XPA: variants seen among roughly 807,000 people sequenced by gnomAD.
The protein encoded by XPA is DNA repair protein complementing XP-A cells.
A neutral mutation model predicts 35.7 loss-of-function variants in XPA; 27 were observed. The observed-to-expected ratio is 0.76, with a 90% CI of 0.56 to 1.04. The LOEUF is 1.04. Among genes scored for constraint, XPA ranks in the 50% least tolerant of loss-of-function variants. The pLI is 0.00. For synonymous variants in XPA, 133 were observed against 118.4 expected, an observed-to-expected ratio of 1.12 and a Z score of -0.80; for missense variants, 354 against 342.7, an observed-to-expected ratio of 1.03 and a Z score of -0.26.
the XPA span, among the ~76,000 whole-genome samples, chr9:97,662,352 G>A: frequency 6.8e-4 from 103 of 152,320 alleles, 2 homozygotes; most frequent in Admixed American, 2.0e-3. Context: ...TACATGGTAA[G>A]TGCTTTTTTT....
chr9:97,675,756 A>AACTT (rs548027430), intron 5 of XPA, 169 bp from the exon 6 acceptor site: 1 of 853,794 alleles, frequency 1.2e-6, no homozygotes. Context: ...AAACTTGGCA[A>AACTT]ACTTACTTTC....
chr9:97,695,081 G>A (rs192085938), intron 1 of XPA, among the ~76,000 whole-genome samples: 81 of 152,284 alleles, frequency 5.3e-4, no homozygotes, highest in Non-Finnish European at 1.0e-4. Flanking sequence ...AGTAGAGAGT[G>A]GACACCGACT....
At chr9:97,656,507 C>T in the XPA span, among the ~76,000 whole-genome samples, 1 of 151,926 alleles carries the variant, frequency 6.6e-6, no homozygotes, top group African/African-American at 2.4e-5. Flanking sequence ...GCCAAGATGG[C>T]GCCACTGCAC....
At chr9:97,663,107 C>T in the XPA span, 17 of 1,237,284 alleles carry the variant, frequency 1.4e-5, no homozygotes, top group Non-Finnish European at 1.6e-5. Flanking sequence ...AAAATAAGGC[C>T]GTTAATTGCC....
rs1250230722 is a variant in XPA, at chr9:97,674,941, T to C, written c.*498A>G. ...CGTACAACTCAATGTTTATTTCTGCTATTAGGGCTTTTTCCAGCAGTAGTT... is the reference window on the plus strand; with the variant it reads ...CGTACAACTCAATGTTTATTTCTGCCATTAGGGCTTTTTCCAGCAGTAGTT... On this transcript the variant is annotated 3_prime_UTR_variant, in exon 6 of 6. Coordinates refer to ENST00000375128, the MANE Select transcript of XPA (RefSeq NM_000380.4). 1 of 516,376 alleles carries C rather than the reference T, an allele frequency of 1.9e-6. No individual in the cohort carries two copies. Among genetic ancestry groups the C allele is most frequent in the Non-Finnish European group, 3.8e-6 (1 of 264,904 alleles). The allele number at this position is 516,376 out of a possible 1,614,324, so 32.0% of individuals were successfully genotyped here.
intron 5 of XPA, among the ~76,000 whole-genome samples, chr9:97,680,082 C>G (rs1300823524): frequency 6.6e-6 from 1 of 152,014 alleles, no homozygotes; most frequent in Non-Finnish European, 1.5e-5. Flanking sequence ...CACCTGGATC[C>G]GACAAAAAGC....
the XPA span, among the ~76,000 whole-genome samples, chr9:97,663,873 A>G: frequency 6.6e-6 from 1 of 151,886 alleles, no homozygotes. Flanking sequence ...AAAGGGGAGA[A>G]TAAATCTTAA....
chr9:97,676,285 C>T (rs78500572), intron 5 of XPA, among the ~76,000 whole-genome samples: 495 of 152,330 alleles, frequency 3.2e-3, no homozygotes, highest in African/African-American at 0.011. Flanking sequence ...GAAGCCAGGA[C>T]ACTGGTCATA....
At chr9:97,666,866 C>G in the XPA span, 1 of 1,601,456 alleles carries the variant, frequency 6.2e-7, no homozygotes, top group Non-Finnish European at 8.5e-7. Flanking sequence ...ACTTGCTAGG[C>G]AACACAAACG....
chr9:97,669,080 A>G, the XPA span: 1 of 1,272,156 alleles, frequency 7.9e-7, no homozygotes, highest in African/African-American at 1.5e-5. Context: ...ACATTCATTT[A>G]TAGAAGAGAT....
chr9:97,689,592 C>T lies in XPA; in HGVS notation c.331G>A (p.Glu111Lys), dbSNP rs769255883. 36 of 1,613,144 alleles carry T rather than the reference C, an allele frequency of 2.2e-5. 1 individual carries two copies. In the South Asian group the frequency reaches 3.3e-4, roughly 15 times the overall value. Residue 111 changes from glutamate (E) to lysine (K), a missense_variant, in exon 3 of 6, where the codon GAA (glutamate) becomes AAA (lysine). Glu to Lys is a moderately conservative substitution (Grantham distance 56). Transcript: ENST00000375128. ...DYVICEECGK[E>K]FMDSYLMNHF... ...TTCATAAGATAAGAATCCATAAATT[C>T]TTTCCCACATTCTTCGCATATTACA...
chr9:97,662,604 C>G, the XPA span, among the ~76,000 whole-genome samples: 1 of 152,196 alleles, frequency 6.6e-6, no homozygotes, highest in Non-Finnish European at 1.5e-5. Flanking sequence ...AACTGGACAT[C>G]TCACCCCATC....
downstream of XPA, chr9:97,671,030 C>T: frequency 8.5e-7 from 1 of 1,181,720 alleles, no homozygotes; most frequent in Admixed American, 1.9e-5. Flanking sequence ...AAATGTTCCA[C>T]AAGATTGCTT....
the XPA span, chr9:97,656,159 G>T: frequency 1.7e-6 from 2 of 1,198,646 alleles, no homozygotes; most frequent in East Asian, 2.4e-5. Context: ...TGTGATGTGT[G>T]TTCAGAATAT....
chr9:97,674,531 G>T (rs761678651), downstream of XPA, among the ~76,000 whole-genome samples: 1 of 152,148 alleles, frequency 6.6e-6, no homozygotes, highest in Non-Finnish European at 1.5e-5. Context: ...ACTGGAATTT[G>T]TTTTTGTCAA....
intron 1 of XPA, among the ~76,000 whole-genome samples, chr9:97,694,083 C>CA (rs1312842879): frequency 6.6e-6 from 1 of 152,196 alleles, no homozygotes; most frequent in African/African-American, 2.4e-5. Context: ...AACCTCTGCC[C>CA]TGAAAACTAC....
chr9:97,675,044 C>A lies in XPA; in HGVS notation c.*395G>T, dbSNP rs938310323. 3 of 531,302 alleles carry A rather than the reference C, an allele frequency of 5.6e-6. No homozygotes were observed. The highest frequency in any genetic ancestry group is 5.6e-5 in the African/African-American group (3 of 53,624). 32.9% of individuals were successfully genotyped at this position (531,302 alleles called of 1,614,324 possible). On this transcript the variant is annotated 3_prime_UTR_variant, in exon 6 of 6. Transcript: ENST00000375128. ...CTAGAACCTGGGGTACAGTGGTGCA[C>A]CACCATTGCTATTATTTGTTTCTTG...
chr9:97,666,259 G>C, the XPA span, among the ~76,000 whole-genome samples: 1 of 152,156 alleles, frequency 6.6e-6, no homozygotes. Context: ...CTCATTCTTA[G>C]AGCCCATCAG....
At chr9:97,679,375 A>G (rs1301196106) in intron 5 of XPA, among the ~76,000 whole-genome samples, 5 of 148,918 alleles carry the variant, frequency 3.4e-5, no homozygotes, top group African/African-American at 1.0e-4. Flanking sequence ...TATCCTTGCA[A>G]TTTTTTATAA....
Sources: gnomAD v4.1 joint callset for allele counts (sites outside exome capture counted in the v4.1 genomes callset) on GRCh38, gnomAD v4.1.1 for gene constraint, MANE v1.5 for transcripts, NCBI Gene and HGNC (gene_info 2026-07-23, HGNC 2026-07-21) for gene names.